The following DIAPH1 variants were observed in gnomAD, a reference collection of about 807,000 sequenced individuals.
The protein encoded by DIAPH1 is protein diaphanous homolog 1.
Under a neutral mutation model 140.7 loss-of-function variants are expected in DIAPH1, and 46 were observed. The ratio of observed to expected loss-of-function variants is 0.33; its 90% confidence interval spans 0.26 to 0.42. The LOEUF is 0.42. DIAPH1 is among the 10% of genes least tolerant of loss of function. The pLI is 1.00. For missense variants in DIAPH1, 1,310 were observed against 1,558.7 expected, an observed-to-expected ratio of 0.84 and a Z score of 2.69; for synonymous variants, 565 against 551.6, an observed-to-expected ratio of 1.02 and a Z score of -0.34.
Position 141,518,892 on chromosome 5 carries a change from G to T in DIAPH1, c.3662-1884C>A, listed in dbSNP as rs570720921. On this transcript the variant is annotated intron_variant, in intron 27 of 27. Transcript: ENST00000389054. ...CCCAGAGCTACTGTTTTCATCCCAG[G>T]AGAGGCTGCCCATAGATCAAGCAGG... 2.6e-6 allele frequency: 4 copies of T among 1,522,034 alleles called. No individual in the cohort carries two copies. In the South Asian group the frequency reaches 4.8e-5, roughly 18 times the overall value. 94.3% of individuals were successfully genotyped at this position (1,522,034 alleles called of 1,614,324 possible). A position where few individuals can be genotyped will look rare whatever the true frequency, so the allele number is the denominator to read the frequency against.
At position 141,516,170 on chromosome 5, in the gene DIAPH1, C is replaced by T. The variant is rs2099885653; in HGVS notation, c.*681G>A. 6.3e-6 allele frequency: 1 copy of T among 159,072 alleles called. No homozygotes were observed. The highest frequency in any genetic ancestry group is 1.4e-5 in the Non-Finnish European group (1 of 71,762). The allele number at this position is 159,072 out of a possible 1,614,324, so 9.9% of individuals were successfully genotyped here. A position where few individuals can be genotyped will look rare whatever the true frequency, so the allele number is the denominator to read the frequency against. On this transcript the variant is annotated 3_prime_UTR_variant, in exon 28 of 28. Transcript: ENST00000389054. ...GCAGAAGCTGGGGGCAGGTCCCACACTGTCGCTATGCCCTGCCTGCCTGCC... is the reference window on the plus strand; with the variant it reads ...GCAGAAGCTGGGGGCAGGTCCCACATTGTCGCTATGCCCTGCCTGCCTGCC...
intron 27 of DIAPH1, chr5:141,518,926 A>G (rs546810114): frequency 6.5e-7 from 1 of 1,550,260 alleles, no homozygotes; most frequent in South Asian, 1.2e-5. Flanking sequence ...GGGAACACGC[A>G]GCATGCACAC....
At chr5:141,591,873 G>C (rs2099898538) in intron 1 of DIAPH1, among the ~76,000 whole-genome samples, 1 of 150,146 alleles carries the variant, frequency 6.7e-6, no homozygotes, top group Admixed American at 6.6e-5. Flanking sequence ...CACGAGATCA[G>C]GAGTTTGAGA....
In DIAPH1 at chr5:141,516,297, C is replaced by T. The variant is rs1452281341; in HGVS notation, c.*554G>A. 1 of 169,398 alleles carries T rather than the reference C, an allele frequency of 5.9e-6. No individual in the cohort carries two copies. The highest frequency in any genetic ancestry group is 2.4e-5 in the African/African-American group (1 of 41,852). The allele number at this position is 169,398 out of a possible 1,614,324, so 10.5% of individuals were successfully genotyped here. A position where few individuals can be genotyped will look rare whatever the true frequency, so the allele number is the denominator to read the frequency against. ...GGTGGGGTAAAGGTGGGATTTGCTCCCTGCTTCCTTAGGAGCAGCTCCCAG... is the reference window on the plus strand; with the variant it reads ...GGTGGGGTAAAGGTGGGATTTGCTCTCTGCTTCCTTAGGAGCAGCTCCCAG... On this transcript the variant is annotated 3_prime_UTR_variant, in exon 28 of 28. Coordinates refer to ENST00000389054, the MANE Select transcript of DIAPH1 (RefSeq NM_005219.5).
At chr5:141,529,113 C>T in intron 21 of DIAPH1, 59 bp downstream of exon 21, 1 of 1,564,334 alleles carries the variant, frequency 6.4e-7, no homozygotes, top group Non-Finnish European at 8.8e-7. Context: ...AGGCTGCTCT[C>T]TAGAGGGGAG....
Position 141,576,292 on chromosome 5 carries a change from G to T in DIAPH1, c.1399C>A (p.Gln467Lys). The T allele has an allele frequency of 6.2e-7, 1 of 1,612,742 alleles. No individual in the cohort carries two copies. The highest frequency in any genetic ancestry group is 1.1e-5 in the South Asian group (1 of 91,048). The stretch of plus-strand genomic sequence containing the variant: ...TCCACCTTTGTCTTATCAATCATTT[G>T]ATCTGAAAAGAAGAAGAGTCAGTAA... ...LQIEIEGLID[Q>K]MIDKTKVEKS... Residue 467 changes from glutamine (Q) to lysine (K), a missense_variant and splice_region_variant, in exon 14 of 28, where the codon CAA becomes AAA. Transcript: ENST00000389054.
At chr5:141,603,291 T>C (rs931059685) in intron 1 of DIAPH1, among the ~76,000 whole-genome samples, 1 of 152,214 alleles carries the variant, frequency 6.6e-6, no homozygotes, top group African/African-American at 2.4e-5. Flanking sequence ...AGTTCCACAA[T>C]GTATACATAT....
rs576741434 is a variant in DIAPH1, at chr5:141,555,828, G to C, written c.2482+15600C>G. Reference sequence around the variant, plus strand: ...CGTGCCAGGATCCGTATTTCTAGCTGCTGCAATCCTGACCTATTCAGCAGA... The same window carrying C: ...CGTGCCAGGATCCGTATTTCTAGCTCCTGCAATCCTGACCTATTCAGCAGA... On this transcript the variant is annotated intron_variant, in intron 18 of 27. Transcript: ENST00000389054. Among the ~76,000 whole-genome samples, 10 of 152,284 alleles carry C rather than the reference G, an allele frequency of 6.6e-5. No homozygotes were observed. The South Asian group carries it at 2.1e-3, about 32-fold the overall frequency.
intron 13 of DIAPH1, 85 bp from the exon 14 acceptor site, chr5:141,576,379 T>C (rs780753501): frequency 1.4e-4 from 153 of 1,056,164 alleles, no homozygotes; most frequent in Non-Finnish European, 2.1e-4. Flanking sequence ...AGAACAGTCT[T>C]TTTGATCATT....
In DIAPH1 at chr5:141,529,406, G is replaced by A. The variant is rs891218055; in HGVS notation, c.2677-133C>T. ...GAAAGAAACATATGGTGGGAGAAGA[G>A]AGGCAGCTACTGAGATGGGGGTACT... On this transcript the variant is annotated intron_variant, in intron 20 of 27. Transcript: ENST00000389054. The A allele has an allele frequency of 6.6e-6, 6 of 915,730 alleles. No individual in the cohort carries two copies. In the Admixed American group the frequency reaches 9.8e-5, roughly 15 times the overall value. The allele number at this position is 915,730 out of a possible 1,614,324, so 56.7% of individuals were successfully genotyped here. A position where few individuals can be genotyped will look rare whatever the true frequency, so the allele number is the denominator to read the frequency against.
chr5:141,531,902 C>T (rs1445479865), intron 19 of DIAPH1, among the ~76,000 whole-genome samples: 5 of 152,196 alleles, frequency 3.3e-5, no homozygotes, highest in Non-Finnish European at 5.9e-5. Context: ...TGCCTATAGT[C>T]TCCCCTTACC....
chr5:141,594,850 G>A (rs1277061984), intron 1 of DIAPH1, among the ~76,000 whole-genome samples: 1 of 151,304 alleles, frequency 6.6e-6, no homozygotes, highest in East Asian at 1.9e-4. Context: ...AGACCAGCCT[G>A]GCCAACGTTG....
intron 1 of DIAPH1, among the ~76,000 whole-genome samples, chr5:141,588,736 T>C (rs896067579): frequency 1.3e-5 from 2 of 152,314 alleles, no homozygotes; most frequent in African/African-American, 2.4e-5. Context: ...AGTTAAAATA[T>C]GCACATGTAC....
chr5:141,548,575 G>C (rs1049551572), intron 18 of DIAPH1, among the ~76,000 whole-genome samples: 2 of 152,104 alleles, frequency 1.3e-5, no homozygotes, highest in Admixed American at 1.3e-4. Context: ...TCAAAAGGAA[G>C]GTACATAACA....
intron 14 of DIAPH1, 63 bp downstream of exon 14, chr5:141,576,167 G>A (rs1300034590): frequency 5.9e-6 from 8 of 1,349,754 alleles, no homozygotes; most frequent in South Asian, 4.7e-5. Context: ...TCATAGATCA[G>A]GAAAATAATA....
chr5:141,562,134 G>A (rs2099893634), intron 18 of DIAPH1, among the ~76,000 whole-genome samples: 1 of 151,774 alleles, frequency 6.6e-6, no homozygotes, highest in Non-Finnish European at 1.5e-5. Flanking sequence ...TCATTGTTAT[G>A]TATGAGTTTT....
intron 7 of DIAPH1, chr5:141,582,059 CAAAAAAAAAAAAAAAAAAA>C (rs70991705): frequency 1.4e-5 from 1 of 71,246 alleles, no homozygotes; most frequent in Non-Finnish European, 2.3e-5. Flanking sequence ...GACTCCATCT[CAAAAAAAAAAAAAAAAAAA>C]AAAAAAAAAG....
chr5:141,615,656 T>C (rs2099902567), intron 1 of DIAPH1, among the ~76,000 whole-genome samples: 1 of 151,562 alleles, frequency 6.6e-6, no homozygotes, highest in Non-Finnish European at 1.5e-5. Flanking sequence ...GGCAGAAGAA[T>C]GGCATGAACC....
intron 18 of DIAPH1, among the ~76,000 whole-genome samples, chr5:141,560,073 C>G (rs2099893292): frequency 6.6e-6 from 1 of 152,106 alleles, no homozygotes; most frequent in South Asian, 2.1e-4. Context: ...GCCATGAAAC[C>G]ATTATCACAC....
Sources: gnomAD v4.1 joint callset for allele counts (sites outside exome capture counted in the v4.1 genomes callset) on GRCh38, gnomAD v4.1.1 for gene constraint, MANE v1.5 for transcripts, NCBI Gene and HGNC (gene_info 2026-07-23, HGNC 2026-07-21) for gene names.